Variants in LOXL2 observed in about 807,000 individuals in gnomAD.
The protein encoded by LOXL2 is lysyl oxidase homolog 2.
A neutral mutation model predicts 93.0 loss-of-function variants in LOXL2; 70 were observed. The observed-to-expected ratio is 0.75, with a 90% CI of 0.62 to 0.92. The LOEUF (loss-of-function observed/expected upper bound fraction) is 0.92, where lower values mean the gene tolerates loss of function less well. LOXL2 is among the 40% of genes least tolerant of loss of function. The pLI is 0.00. For missense variants in LOXL2, 973 were observed against 1,054.9 expected, an observed-to-expected ratio of 0.92 and a Z score of 1.08; for synonymous variants, 438 against 413.2, an observed-to-expected ratio of 1.06 and a Z score of -0.73.
chr8:23,395,133 A>G (rs1403025149), intron 1 of LOXL2, among the ~76,000 whole-genome samples: 3 of 152,172 alleles, frequency 2.0e-5, no homozygotes, highest in Non-Finnish European at 4.4e-5. Context: ...GCACGCCTGT[A>G]GTTCCAGCTA....
intron 3 of LOXL2, 65 bp from the exon 4 acceptor site, chr8:23,341,268 A>G: frequency 7.7e-7 from 1 of 1,302,458 alleles, no homozygotes; most frequent in Non-Finnish European, 1.1e-6. Context: ...GACACCAGGC[A>G]ACCAGTACTT....
At position 23,374,069 on chromosome 8, in the gene LOXL2, G is replaced by T. The variant is rs1347567520; in HGVS notation, c.-83-5635C>A. Among the ~76,000 whole-genome samples the T allele has an allele frequency of 2.6e-5, 4 of 151,696 alleles. No individual in the cohort carries two copies. In the East Asian group the frequency reaches 7.7e-4, roughly 29 times the overall value. On this transcript the variant is annotated intron_variant, in intron 1 of 13. Transcript: ENST00000389131. ...CACCCGTTTACTCGTCATTTACATT[G>T]GGTATATCTCCTAATGCTTTCCCTC...
Position 23,333,493 on chromosome 8 carries a change from C to T in LOXL2, c.874G>A (p.Glu292Lys), listed in dbSNP as rs757887256. 37 of 1,613,904 alleles carry T rather than the reference C, an allele frequency of 2.3e-5. No individual in the cohort carries two copies. The highest frequency in any genetic ancestry group is 1.6e-4 in the Middle Eastern group (1 of 6,084). ...SLDPMKNVTC[E>K]NGLPAVVSCV... Reference sequence around the variant, plus strand: ...CTCACCACGGCCGGTAGCCCATTCTCGCAGGTGACATTCTTCATGGGGTCC... The same window carrying T: ...CTCACCACGGCCGGTAGCCCATTCTTGCAGGTGACATTCTTCATGGGGTCC... Residue 292 changes from glutamate to lysine, a missense_variant, in exon 5 of 14, where the codon GAG becomes AAG. Glu to Lys is a moderately conservative substitution (Grantham distance 56). Coordinates refer to ENST00000389131, the MANE Select transcript of LOXL2 (RefSeq NM_002318.3).
chr8:23,335,383 T>C (rs1803772910), intron 4 of LOXL2, among the ~76,000 whole-genome samples: 1 of 152,158 alleles, frequency 6.6e-6, no homozygotes, highest in African/African-American at 2.4e-5. Flanking sequence ...TTAAATGAGT[T>C]AATACTTGTC....
At chr8:23,307,369 G>A (rs540878596) in intron 10 of LOXL2, among the ~76,000 whole-genome samples, 28 of 152,244 alleles carry the variant, frequency 1.8e-4, no homozygotes, top group African/African-American at 6.5e-4. Flanking sequence ...CATGTGCTCA[G>A]CATGTCCTTC....
At chr8:23,369,469 C>G (rs1804464323) in intron 1 of LOXL2, among the ~76,000 whole-genome samples, 1 of 152,108 alleles carries the variant, frequency 6.6e-6, no homozygotes, top group African/African-American at 2.4e-5. Context: ...TAACCCTATG[C>G]AGAGGAGTAG....
At position 23,303,304 on chromosome 8, in the gene LOXL2, C is replaced by T. The variant is rs1803170579; in HGVS notation, c.1974G>A (p.Leu658=). The T allele has an allele frequency of 6.2e-7, 1 of 1,612,936 alleles. No homozygotes were observed. The highest frequency in any genetic ancestry group is 1.3e-5 in the African/African-American group (1 of 74,768). ...TACCTCCTTCACATTCTGTGTCCTC[C>T]AAGCAGAAGCTGGCCTTGTGGCCCT... ...VAEGHKASFC[L]EDTECEGDIQ... The change falls in exon 11 of 14, where the codon TTG becomes TTA. Residue 658 remains leucine, a synonymous_variant. Coordinates refer to ENST00000389131, the MANE Select transcript of LOXL2 (RefSeq NM_002318.3).
chr8:23,299,609 G>A (rs1418242238), intron 12 of LOXL2, among the ~76,000 whole-genome samples: 4 of 152,202 alleles, frequency 2.6e-5, no homozygotes, highest in Non-Finnish European at 5.9e-5. Context: ...ACAGAAAAGG[G>A]GAGGTTTACG....
intron 1 of LOXL2, chr8:23,385,662 G>A (rs1804748794): frequency 8.5e-6 from 4 of 468,830 alleles, no homozygotes; most frequent in East Asian, 3.9e-5. Flanking sequence ...GAAGTGCTAA[G>A]ACAGGTATTT....
At chr8:23,298,173 C>A in intron 13 of LOXL2, 51 bp from the exon 14 acceptor site, 3 of 1,430,480 alleles carry the variant, frequency 2.1e-6, no homozygotes, top group Non-Finnish European at 3.0e-6. Flanking sequence ...ATGCTCGGGC[C>A]TTGCCTGACC....
intron 3 of LOXL2, among the ~76,000 whole-genome samples, chr8:23,343,339 T>C (rs1803916778): frequency 6.6e-6 from 1 of 152,220 alleles, no homozygotes; most frequent in Non-Finnish European, 1.5e-5. Flanking sequence ...TGATAGCTAC[T>C]GCCATCCCCA....
intron 2 of LOXL2, among the ~76,000 whole-genome samples, chr8:23,367,206 G>A (rs1057237049): frequency 6.6e-5 from 10 of 151,938 alleles, no homozygotes; most frequent in African/African-American, 2.2e-4. Context: ...TCGCCACCAT[G>A]CCCGGCTAAT....
chr8:23,312,499 G>A (rs1473644262), intron 9 of LOXL2, among the ~76,000 whole-genome samples: 38 of 126,612 alleles, frequency 3.0e-4, no homozygotes, highest in Admixed American at 4.4e-4. Flanking sequence ...TTCAATATAC[G>A]CAAATCAATA....
At chr8:23,328,705 A>C in intron 5 of LOXL2, 140 bp from the exon 6 acceptor site, 1 of 521,118 alleles carries the variant, frequency 1.9e-6, no homozygotes, top group Non-Finnish European at 3.4e-6. Context: ...TGCTTGATGT[A>C]TGGATGTGTG....
rs1415488782 is a variant in LOXL2, at chr8:23,333,453, T to A, written c.914A>T (p.Gln305Leu). Reference protein sequence around the residue: ...LPAVVSCVPGQVFSPDGPSRF... With the variant: ...LPAVVSCVPGLVFSPDGPSRF... ...TGAGGGTCCGTCAGGGCTGAAGACCTGCCCAGGCACACAACTCACCACGGC... is the reference window on the plus strand; with the variant it reads ...TGAGGGTCCGTCAGGGCTGAAGACCAGCCCAGGCACACAACTCACCACGGC... Residue 305 changes from glutamine (Q) to leucine (L), a missense_variant, in exon 5 of 14, where the codon CAG becomes CTG. Transcript: ENST00000389131. 2.5e-6 allele frequency: 4 copies of A among 1,613,822 alleles called. No homozygotes were observed. The highest frequency in any genetic ancestry group is 3.4e-6 in the Non-Finnish European group (4 of 1,180,046).
At chr8:23,378,901 G>A (rs1242408162) in intron 1 of LOXL2, among the ~76,000 whole-genome samples, 1 of 152,192 alleles carries the variant, frequency 6.6e-6, no homozygotes, top group Non-Finnish European at 1.5e-5. Flanking sequence ...TTAGCTTGGA[G>A]TAGTTTGATC....
intron 1 of LOXL2, among the ~76,000 whole-genome samples, chr8:23,368,694 A>G (rs537683935): frequency 1.3e-5 from 2 of 152,284 alleles, no homozygotes; most frequent in Admixed American, 6.5e-5. Flanking sequence ...TAATTTAAGG[A>G]GAGTTTTTTA....
intron 10 of LOXL2, among the ~76,000 whole-genome samples, chr8:23,307,467 G>T (rs1328850009): frequency 1.3e-5 from 2 of 152,156 alleles, no homozygotes; most frequent in Non-Finnish European, 2.9e-5. Context: ...GGGGAGCAGG[G>T]GGTTGGGGAG....
intron 8 of LOXL2, among the ~76,000 whole-genome samples, chr8:23,317,828 C>T (rs994891222): frequency 4.6e-5 from 7 of 152,018 alleles, no homozygotes; most frequent in African/African-American, 1.2e-4. Context: ...GGTACAGAAA[C>T]GGGATGAGAA....
Sources: gnomAD v4.1 joint callset for allele counts (sites outside exome capture counted in the v4.1 genomes callset) on GRCh38, gnomAD v4.1.1 for gene constraint, MANE v1.5 for transcripts, NCBI Gene and HGNC (gene_info 2026-07-23, HGNC 2026-07-21) for gene names.